ZNF558: variants seen among roughly 807,000 people sequenced by gnomAD.
The protein encoded by ZNF558 is zinc finger protein 558.
In ZNF558, 23 loss-of-function variants were observed where a neutral mutation model predicts 37.6. The observed-to-expected ratio is 0.61, with a 90% confidence interval of 0.44 to 0.87. The LOEUF is 0.87. ZNF558 is among the 40% of genes least tolerant of loss of function. ZNF558 has a pLI of 0.00. For missense variants in ZNF558, 429 were observed against 483.7 expected (o/e 0.89, Z 1.06); for synonymous variants, 189 against 174.4 (o/e 1.08, Z -0.66).
Position 8,811,602 on chromosome 19 carries a change from A to G in ZNF558, c.888T>C (p.Asp296=). The G allele has an allele frequency of 6.2e-7, 1 of 1,613,772 alleles. No homozygotes were observed. The highest frequency in any genetic ancestry group is 8.5e-7 in the Non-Finnish European group (1 of 1,179,940). ...HTGEKPYECH[D]CGKTFRKSSY... ...AGCTCTTCCTGAAGGTTTTCCCACA[A>G]TCGTGACATTCATAAGGTTTCTCCC... The change falls in exon 10 of 10, where the codon GAT becomes GAC. Residue 296 remains aspartate (D), a synonymous_variant. Transcript: ENST00000601372.
At chr19:8,835,504 TTAAAATTAAAAAGATAGCCAA>T (rs1271534460), upstream of ZNF558, among the ~76,000 whole-genome samples, 6 of 152,308 alleles carry the variant, frequency 3.9e-5, no homozygotes, top group African/African-American at 1.4e-4. Context: ...ATTGGGATAA[TTAAAATTAAAAAGATAGCCAA>T]TAACAAAGAT....
chr19:8,811,575 G>T lies in ZNF558; in HGVS notation c.915C>A (p.Ser305=). 6.2e-7 allele frequency: 1 copy of T among 1,613,894 alleles called. No individual in the cohort carries two copies. The highest frequency in any genetic ancestry group is 8.5e-7 in the Non-Finnish European group (1 of 1,179,960). The change falls in exon 10 of 10, where the codon TCC becomes TCA. Residue 305 remains serine (S), a synonymous_variant. Transcript: ENST00000601372. ...HDCGKTFRKS[S]YLTQHVRTHT... ...GAGTTCTTACGTGCTGTGTCAGATA[G>T]GAGCTCTTCCTGAAGGTTTTCCCAC...
Position 8,811,264 on chromosome 19 carries a change from G to A in ZNF558, c.*17C>T, listed in dbSNP as rs1212954705. ...AAAGATCAATGAGTGCTTTCCTCCA[G>A]AAGTTCCTGCAGTAATTCATATCCA... On this transcript the variant is annotated 3_prime_UTR_variant, in exon 10 of 10. Coordinates refer to ENST00000601372, the MANE Select transcript of ZNF558 (RefSeq NM_144693.3). The A allele has an allele frequency of 5.2e-6, 8 of 1,537,892 alleles. No individual in the cohort carries two copies. In the African/African-American group the frequency reaches 9.7e-5, roughly 19 times the overall value.
chr19:8,828,032 T>C (rs1266558231), intron 2 of ZNF558, among the ~76,000 whole-genome samples: 3 of 152,152 alleles, frequency 2.0e-5, no homozygotes, highest in Non-Finnish European at 4.4e-5. Flanking sequence ...TCGAGCCCTA[T>C]GACTAGCTAC....
At position 8,811,593 on chromosome 19, in the gene ZNF558, T is replaced by C. The variant is rs2043792882; in HGVS notation, c.897A>G (p.Lys299=). 4 of 1,614,142 alleles carry C rather than the reference T, an allele frequency of 2.5e-6. No homozygotes were observed. Among genetic ancestry groups the C allele is most frequent in the Non-Finnish European group, 3.4e-6 (4 of 1,180,008 alleles). ...TCAGATAGGAGCTCTTCCTGAAGGT[T>C]TTCCCACAATCGTGACATTCATAAG... ...EKPYECHDCG[K]TFRKSSYLTQ... Residue 299 remains lysine, a synonymous_variant, in exon 10 of 10, where the codon AAA becomes AAG. Coordinates refer to ENST00000601372, the MANE Select transcript of ZNF558 (RefSeq NM_144693.3).
At chr19:8,812,749 G>A (rs781678818) in intron 8 of ZNF558, 106 bp from the exon 9 acceptor site, 65 of 626,060 alleles carry the variant, frequency 1.0e-4, no homozygotes, top group Non-Finnish European at 1.5e-4. Flanking sequence ...GAGGATGTTT[G>A]CAACAAAGAG....
At position 8,808,217 on chromosome 19, in the gene ZNF558, A is replaced by T. The variant is rs1284819465; in HGVS notation, c.*3064T>A. 1 of 152,154 alleles carries T rather than the reference A, an allele frequency of 6.6e-6. No individual in the cohort carries two copies. The highest frequency in any genetic ancestry group is 1.5e-5 in the Non-Finnish European group (1 of 68,036). The allele number at this position is 152,154 out of a possible 1,614,324, so 9.4% of individuals were successfully genotyped here. Reference sequence around the variant, plus strand: ...CAGCTACTCAGGAGGCTGAGGCAGGAGAATTGCTGGAACCTGGGAGGCCAA... The same window carrying T: ...CAGCTACTCAGGAGGCTGAGGCAGGTGAATTGCTGGAACCTGGGAGGCCAA... On this transcript the variant is annotated 3_prime_UTR_variant, in exon 10 of 10. Transcript: ENST00000601372.
At chr19:8,816,778 T>C (rs1002599268) in intron 7 of ZNF558, among the ~76,000 whole-genome samples, 1 of 152,188 alleles carries the variant, frequency 6.6e-6, no homozygotes, top group South Asian at 2.1e-4. Flanking sequence ...CAATGTGTTT[T>C]TGGTTTATAA....
At position 8,811,332 on chromosome 19, in the gene ZNF558, T is replaced by C. The variant is rs782036307; in HGVS notation, c.1158A>G (p.Thr386=). Residue 386 remains threonine (T), a synonymous_variant, in exon 10 of 10, where the codon ACA becomes ACG. Coordinates refer to ENST00000601372, the MANE Select transcript of ZNF558 (RefSeq NM_144693.3). The part of the protein sequence containing the change: ...YECNHCGKSF[T]SNSYLSVHKR... The stretch of plus-strand genomic sequence containing the variant: ...TGTGCACAGAAAGATAGGAGTTACT[T>C]GTGAAGGATTTCCCACAATGATTAC... 9 of 1,610,462 alleles carry C rather than the reference T, an allele frequency of 5.6e-6. No homozygotes were observed. Among genetic ancestry groups the C allele is most frequent in the Middle Eastern group, 1.7e-4 (1 of 6,038 alleles).
chr19:8,830,222 T>A (rs10418211), intron 2 of ZNF558, among the ~76,000 whole-genome samples: 1 of 152,168 alleles, frequency 6.6e-6, no homozygotes, highest in African/African-American at 2.4e-5. Flanking sequence ...GTAAGTTTCC[T>A]GAGGCCTCCC....
upstream of ZNF558, among the ~76,000 whole-genome samples, chr19:8,836,993 A>G (rs2044462661): frequency 6.6e-6 from 1 of 152,260 alleles, no homozygotes. Flanking sequence ...CTTTACAAAT[A>G]CATACAACTG....
intron 3 of ZNF558, among the ~76,000 whole-genome samples, chr19:8,824,627 C>T (rs1034737826): frequency 5.3e-5 from 8 of 152,188 alleles, no homozygotes; most frequent in Non-Finnish European, 8.8e-5. Flanking sequence ...CTTCTGCCTC[C>T]TCCCATCGCA....
Position 8,813,166 on chromosome 19 carries a change from C to G in ZNF558, c.304G>C (p.Val102Leu). The stretch of plus-strand genomic sequence containing the variant: ...GGTAGAATTCCTCTTTCCTCTGTCA[C>G]CACCTTCTTGTCTTGTTCCAACTGG... ...ISQLEQDKKV[V>L]TEERGILPST... is the part of the protein sequence containing the mutation. The change falls in exon 8 of 10, where the codon GTG becomes CTG. Residue 102 changes from valine (V) to leucine (L), a missense_variant. Coordinates refer to ENST00000601372, the MANE Select transcript of ZNF558 (RefSeq NM_144693.3). The G allele has an allele frequency of 6.3e-7, 1 of 1,599,600 alleles. No homozygotes were observed. The highest frequency in any genetic ancestry group is 8.5e-7 in the Non-Finnish European group (1 of 1,172,456).
intron 2 of ZNF558, chr19:8,830,993 G>C (rs1354135655): frequency 6.6e-6 from 1 of 151,944 alleles, no homozygotes; most frequent in Non-Finnish European, 1.5e-5. Flanking sequence ...ACATATACAT[G>C]TAAATATTTT....
At chr19:8,824,578 T>C (rs1441561625) in intron 3 of ZNF558, among the ~76,000 whole-genome samples, 161 bp from the exon 4 acceptor site, 3 of 152,136 alleles carry the variant, frequency 2.0e-5, no homozygotes, top group African/African-American at 7.2e-5. Context: ...GGAATCTACT[T>C]TCCTGTGTTG....
Position 8,822,261 on chromosome 19 carries a change from A to G in ZNF558, c.32-170T>C, listed in dbSNP as rs1401340502. ...CAGCTCTCCTAAGATACCCAAACACAGCCCTGTCTCACCAACCAAAGACAA... is the reference window on the plus strand; with the variant it reads ...CAGCTCTCCTAAGATACCCAAACACGGCCCTGTCTCACCAACCAAAGACAA... On this transcript the variant is annotated intron_variant, in intron 5 of 9. Transcript: ENST00000601372. This position sits in a 1 kb window ranked among gnomAD's most constrained non-coding sequence, Gnocchi z 4.4. Among the ~76,000 whole-genome samples, 1 of 152,158 alleles carries G rather than the reference A, an allele frequency of 6.6e-6. No individual in the cohort carries two copies. The highest frequency in any genetic ancestry group is 1.9e-4 in the East Asian group (1 of 5,192).
chr19:8,818,945 T>A (rs992398200), intron 7 of ZNF558, among the ~76,000 whole-genome samples: 1 of 152,188 alleles, frequency 6.6e-6, no homozygotes, highest in African/African-American at 2.4e-5. Flanking sequence ...ATAAAGGTGG[T>A]GAGACAACTG....
intron 7 of ZNF558, among the ~76,000 whole-genome samples, chr19:8,818,954 T>C (rs889743212): frequency 9.9e-5 from 15 of 152,200 alleles, no homozygotes; most frequent in Non-Finnish European, 2.2e-4. Context: ...GTGAGACAAC[T>C]GGATATACAC....
rs1296292804 is a variant in ZNF558, at chr19:8,808,665, T to C, written c.*2616A>G. The C allele has an allele frequency of 4.6e-5, 7 of 152,206 alleles. No homozygotes were observed. Among genetic ancestry groups the C allele is most frequent in the Non-Finnish European group, 8.8e-5 (6 of 68,034 alleles). 9.4% of individuals were successfully genotyped at this position (152,206 alleles called of 1,614,324 possible). A position where few individuals can be genotyped will look rare whatever the true frequency, so the allele number is the denominator to read the frequency against. Reference sequence around the variant, plus strand: ...AACAACATGGGTAAAACTTGACCAATTTATAGGTTTACCAGTTAGATTCTG... The same window carrying C: ...AACAACATGGGTAAAACTTGACCAACTTATAGGTTTACCAGTTAGATTCTG... On this transcript the variant is annotated 3_prime_UTR_variant, in exon 10 of 10. Coordinates refer to ENST00000601372, the MANE Select transcript of ZNF558 (RefSeq NM_144693.3).
Sources: gnomAD v4.1 joint callset for allele counts (sites outside exome capture counted in the v4.1 genomes callset) on GRCh38, gnomAD v4.1.1 for gene constraint, Gnocchi (gnomAD v3.1) non-coding constraint, MANE v1.5 for transcripts, NCBI Gene and HGNC (gene_info 2026-07-23, HGNC 2026-07-21) for gene names.